The following WDR35 variants were observed in gnomAD, a reference collection of about 807,000 sequenced individuals.
WDR35 encodes the protein WD repeat-containing protein 35.
Under a neutral mutation model 158.3 loss-of-function variants are expected in WDR35, and 118 were observed. The observed-to-expected ratio is 0.75, with a 90% CI of 0.64 to 0.87. The LOEUF (loss-of-function observed/expected upper bound fraction) is 0.87. Ranked by LOEUF, WDR35 falls within the 40% of genes least tolerant of loss-of-function variation. WDR35 has a pLI of 0.00. For missense variants in WDR35, 1,263 were observed against 1,405.8 expected, an observed-to-expected ratio of 0.90 and a Z score of 1.62; for synonymous variants, 448 against 476.1, an observed-to-expected ratio of 0.94 and a Z score of 0.77.
intron 2 of WDR35, among the ~76,000 whole-genome samples, chr2:19,984,021 ATATATATATATATATATATACATAT>A: frequency 3.3e-4 from 1 of 3,064 alleles, no homozygotes; most frequent in East Asian, 0.02. Context: ...ATATATATAT[ATATATATATATATATATATACATAT>A]ATACACACAC....
intron 17 of WDR35, among the ~76,000 whole-genome samples, chr2:19,940,543 C>G (rs987634274): frequency 3.3e-5 from 5 of 152,148 alleles, no homozygotes; most frequent in Admixed American, 3.3e-4. Context: ...ATAGTCAAAT[C>G]TGGAGGTTAC....
intron 25 of WDR35, among the ~76,000 whole-genome samples, chr2:19,927,461 C>T (rs367667385): frequency 2.6e-5 from 4 of 152,202 alleles, no homozygotes; most frequent in African/African-American, 9.6e-5. Flanking sequence ...GTCTGTGTGC[C>T]ATGCCATACT....
At chr2:19,923,215 T>C (rs76175506) in intron 25 of WDR35, among the ~76,000 whole-genome samples, 4,255 of 152,258 alleles carry the variant, frequency 0.028, 163 homozygotes, top group East Asian at 0.2. Flanking sequence ...TTAATTCCTT[T>C]AGCACCGCTG....
intron 25 of WDR35, among the ~76,000 whole-genome samples, chr2:19,921,624 C>A (rs1670170587): frequency 6.6e-6 from 1 of 152,028 alleles, no homozygotes; most frequent in Non-Finnish European, 1.5e-5. Context: ...CCATAAAAAC[C>A]CTAGAAGAAA....
Position 19,941,841 on chromosome 2 carries a change from T to C in WDR35, c.1846-2A>G. The C allele has an allele frequency of 2.6e-6, 4 of 1,561,304 alleles. No individual in the cohort carries two copies. The highest frequency in any genetic ancestry group is 3.5e-6 in the Non-Finnish European group (4 of 1,144,004). On this transcript the variant is annotated splice_acceptor_variant, in intron 16 of 26. Transcript: ENST00000281405. LOFTEE classifies it high-confidence loss of function. ...ATATCCAGAGGTCTGAATGGGTTCC[T>C]TTAAAGACAAAAAAAAAGTTATGTT...
intron 8 of WDR35, among the ~76,000 whole-genome samples, chr2:19,971,004 A>G (rs1320622395): frequency 6.6e-6 from 1 of 152,220 alleles, no homozygotes; most frequent in African/African-American, 2.4e-5. Context: ...GTCAATATAT[A>G]TCTTCAATAA....
intron 10 of WDR35, among the ~76,000 whole-genome samples, chr2:19,964,582 C>T (rs932036353): frequency 2.0e-5 from 3 of 151,878 alleles, no homozygotes; most frequent in African/African-American, 7.3e-5. Context: ...CAGGGTTTCA[C>T]CGTGTTGCCC....
chr2:19,941,405 A>T (rs1054579411), intron 17 of WDR35, among the ~76,000 whole-genome samples: 1 of 152,104 alleles, frequency 6.6e-6, no homozygotes, highest in Non-Finnish European at 1.5e-5. Flanking sequence ...CTACAAAAAC[A>T]ATGACAACAA....
At chr2:19,976,766 T>C (rs10197369) in intron 5 of WDR35, among the ~76,000 whole-genome samples, 67,350 of 148,456 alleles carry the variant, frequency 0.45, 15,626 homozygotes, top group East Asian at 0.63. Flanking sequence ...CCTTTATCTC[T>C]AAGACTCTTA....
At chr2:19,954,015 C>A (rs1390780173) in intron 11 of WDR35, 37 bp from the exon 12 acceptor site, 1 of 1,612,460 alleles carries the variant, frequency 6.2e-7, no homozygotes, top group Non-Finnish European at 8.5e-7. Context: ...TACAGTTACA[C>A]AGAATTGCAG....
chr2:19,940,855 T>G (rs916902957), intron 17 of WDR35, among the ~76,000 whole-genome samples: 1 of 152,162 alleles, frequency 6.6e-6, no homozygotes, highest in Non-Finnish European at 1.5e-5. Context: ...AGCCTGCCCT[T>G]CTCTCCCCTA....
At chr2:19,916,408 A>G (rs1434138595) in intron 25 of WDR35, among the ~76,000 whole-genome samples, 1 of 152,196 alleles carries the variant, frequency 6.6e-6, no homozygotes, top group Non-Finnish European at 1.5e-5. Flanking sequence ...TCCCCTGGAA[A>G]GGGGGCTGAA....
At position 19,937,352 on chromosome 2, in the gene WDR35, G is replaced by A. The variant is rs376310545; in HGVS notation, c.2267+391C>T. Among the ~76,000 whole-genome samples, 78 of 152,168 alleles carry A rather than the reference G, an allele frequency of 5.1e-4. 1 individual carries two copies. In the South Asian group the frequency reaches 0.016, roughly 30 times the overall value. On this transcript the variant is annotated intron_variant, in intron 19 of 26. Transcript: ENST00000281405. ...TAAAGAACTAATCTCGATCCCTAAC[G>A]ACTTCTGATTTTTATTTTATGCCTC... is the stretch of plus-strand genomic sequence containing the variant.
intron 10 of WDR35, among the ~76,000 whole-genome samples, chr2:19,966,486 T>A (rs951965840): frequency 1.3e-5 from 2 of 152,110 alleles, no homozygotes; most frequent in Admixed American, 1.3e-4. Context: ...AACAAAAAGC[T>A]TCAGTATTAA....
chr2:19,978,680 A>T (rs374589636), intron 5 of WDR35, 71 bp downstream of exon 5: 5 of 1,605,940 alleles, frequency 3.1e-6, no homozygotes, highest in African/African-American at 1.3e-5. Flanking sequence ...ATGGTAACTA[A>T]CTTAAATCTC....
Position 19,932,429 on chromosome 2 carries a change from A to G in WDR35, c.2677T>C (p.Leu893=). 6.2e-7 allele frequency: 1 copy of G among 1,613,270 alleles called. No individual in the cohort carries two copies. The change falls in exon 23 of 27, where the codon TTG becomes CTG. Residue 893 remains leucine, a synonymous_variant. Coordinates refer to ENST00000281405, the MANE Select transcript of WDR35 (RefSeq NM_020779.4). ...TCTTTCATACTATGATTTTTAGCCA[A>G]TTCAACAGCTTTGTTCCACTAGGAG... ...HLNQWNKAVE[L]AKNHSMKEIG... is the part of the protein sequence containing the mutation.
intron 11 of WDR35, among the ~76,000 whole-genome samples, chr2:19,954,910 T>C (rs1003382299): frequency 6.6e-6 from 1 of 152,168 alleles, no homozygotes; most frequent in Non-Finnish European, 1.5e-5. Flanking sequence ...CAACCATTAA[T>C]TGAAAAATGA....
intron 12 of WDR35, among the ~76,000 whole-genome samples, chr2:19,953,262 T>C (rs544893961): frequency 2.3e-4 from 35 of 152,322 alleles, no homozygotes; most frequent in African/African-American, 7.7e-4. Context: ...AATCCCTCTA[T>C]CCTGGCTTCT....
chr2:19,976,302 C>T (rs1672208246), intron 5 of WDR35, among the ~76,000 whole-genome samples: 1 of 152,134 alleles, frequency 6.6e-6, no homozygotes, highest in African/African-American at 2.4e-5. Context: ...TTCTACCATT[C>T]CTTTCCCAAC....
Sources: gnomAD v4.1 joint callset for allele counts (sites outside exome capture counted in the v4.1 genomes callset) on GRCh38, gnomAD v4.1.1 for gene constraint, MANE v1.5 for transcripts, NCBI Gene and HGNC (gene_info 2026-07-23, HGNC 2026-07-21) for gene names.